Variants in TRHDE observed in about 807,000 individuals in gnomAD.
TRHDE encodes the protein thyrotropin releasing hormone degrading enzyme, also known as thyrotropin-releasing hormone-degrading ectoenzyme.
TRHDE carries 72 observed loss-of-function variants against 125.7 expected under a neutral mutation model. The observed-to-expected ratio is 0.57, with a 90% CI of 0.47 to 0.70. The LOEUF is 0.70. Ranked by LOEUF, TRHDE falls within the 30% of genes least tolerant of loss-of-function variation. The pLI, the probability that TRHDE is intolerant of heterozygous loss-of-function variation, is 0.00. For synonymous variants in TRHDE, 509 were observed against 509.1 expected (o/e 1.00, Z 0.00); for missense variants, 1,110 against 1,327.1 (o/e 0.84, Z 2.54).
chr12:72,506,364 A>G (rs549441697), intron 6 of TRHDE, among the ~76,000 whole-genome samples: 13 of 152,296 alleles, frequency 8.5e-5, no homozygotes, highest in Middle Eastern at 3.4e-3. Flanking sequence ...ACCCAATAGA[A>G]GACATAAAAC....
At chr12:72,381,651 C>T (rs1872190073) in intron 3 of TRHDE, among the ~76,000 whole-genome samples, 1 of 152,152 alleles carries the variant, frequency 6.6e-6, no homozygotes, top group Admixed American at 6.5e-5. Context: ...CCGCCTCGGC[C>T]TCCCAAAGTG....
At chr12:72,359,683 A>G (rs1234825217) in intron 2 of TRHDE, among the ~76,000 whole-genome samples, 1 of 151,728 alleles carries the variant, frequency 6.6e-6, no homozygotes, top group Non-Finnish European at 1.5e-5. Context: ...CCAAGGGGAT[A>G]AATGCTAAGA....
At chr12:72,517,906 A>G (rs1239816506) in intron 6 of TRHDE, among the ~76,000 whole-genome samples, 1 of 151,992 alleles carries the variant, frequency 6.6e-6, no homozygotes, top group Non-Finnish European at 1.5e-5. Flanking sequence ...TTATGTACCC[A>G]GTTGTCATTC....
chr12:72,160,236 T>C (rs1876605257), intron 2 of TRHDE, among the ~76,000 whole-genome samples: 1 of 152,154 alleles, frequency 6.6e-6, no homozygotes, highest in Non-Finnish European at 1.5e-5. Context: ...GGAACTAAGT[T>C]GGAACTCACA....
At position 72,326,611 on chromosome 12, in the gene TRHDE, A is replaced by G. The variant is rs373770911; in HGVS notation, c.1188+39657A>G. On this transcript the variant is annotated intron_variant, in intron 2 of 18. Transcript: ENST00000261180. ...ATTAAATAAAACTTTCAAGCTTAGG[A>G]AATTCACACAACAGAAAATTAAGAA... 2.6e-5 allele frequency among the ~76,000 whole-genome samples: 4 copies of G among 152,226 alleles called. No individual in the cohort carries two copies. In the East Asian group the frequency reaches 5.8e-4, roughly 22 times the overall value.
chr12:72,300,434 ATGTG>A, intron 2 of TRHDE, among the ~76,000 whole-genome samples: 1 of 151,666 alleles, frequency 6.6e-6, no homozygotes, highest in Middle Eastern at 3.4e-3. Context: ...TGTATTATAT[ATGTG>A]TGTGTATTTT....
chr12:72,504,645 A>G (rs1177079857), intron 6 of TRHDE, among the ~76,000 whole-genome samples: 1 of 152,224 alleles, frequency 6.6e-6, no homozygotes, highest in Non-Finnish European at 1.5e-5. Context: ...AACCAAGAAG[A>G]GTTTAAAGCA....
chr12:72,094,087 G>T lies in TRHDE; in HGVS notation n.174+6648G>T, dbSNP rs112721024. On this transcript the variant is annotated intron_variant and non_coding_transcript_variant, in intron 1 of 4. Transcript: ENST00000548156. ...CTGTTGGGTTTGCAGTGGAGTCTGT[G>T]GTTGGTGAGCCTCTTATCAGGACTG... 7.6e-3 allele frequency among the ~76,000 whole-genome samples: 1,155 copies of T among 152,276 alleles called. 19 individuals are homozygous for T. The highest frequency in any genetic ancestry group is 0.027 in the African/African-American group (1,113 of 41,550).
chr12:72,355,656 T>C (rs1374201697), intron 2 of TRHDE, among the ~76,000 whole-genome samples: 1 of 151,888 alleles, frequency 6.6e-6, no homozygotes, highest in African/African-American at 2.4e-5. Context: ...AAACTATTCA[T>C]CTGACAAAAT....
chr12:72,203,784 C>A (rs1188940534), intron 2 of TRHDE, among the ~76,000 whole-genome samples: 1 of 152,088 alleles, frequency 6.6e-6, no homozygotes. Context: ...GATCATGAAA[C>A]CCTAAGACCC....
chr12:72,232,108 T>C (rs898091445), intron 2 of TRHDE, among the ~76,000 whole-genome samples: 3 of 152,156 alleles, frequency 2.0e-5, no homozygotes, highest in Admixed American at 2.0e-4. Context: ...AAAGATAGTT[T>C]GTTGCTCATA....
chr12:72,434,438 A>G (rs1357070621), intron 3 of TRHDE, among the ~76,000 whole-genome samples: 4 of 151,524 alleles, frequency 2.6e-5, no homozygotes, highest in African/African-American at 9.7e-5. Context: ...ACCAACTTCC[A>G]AATACTTTAT....
intron 2 of TRHDE, among the ~76,000 whole-genome samples, chr12:72,126,625 T>C (rs1055905287): frequency 1.3e-5 from 2 of 152,196 alleles, no homozygotes; most frequent in African/African-American, 4.8e-5. Context: ...ATTTAATAAA[T>C]GGTGCTGGGA....
chr12:72,444,319 AGTCT>A (rs1332549052), intron 3 of TRHDE, among the ~76,000 whole-genome samples: 2 of 151,894 alleles, frequency 1.3e-5, no homozygotes, highest in Non-Finnish European at 2.9e-5. Flanking sequence ...GCACTGTAAA[AGTCT>A]GTCTTTCATT....
chr12:72,191,064 A>G (rs1386559729), intron 2 of TRHDE, among the ~76,000 whole-genome samples: 2 of 152,228 alleles, frequency 1.3e-5, no homozygotes, highest in Non-Finnish European at 2.9e-5. Flanking sequence ...ATTCTATACA[A>G]CATTGAGCCA....
intron 2 of TRHDE, among the ~76,000 whole-genome samples, chr12:72,231,753 T>G (rs1878250712): frequency 6.6e-6 from 1 of 152,172 alleles, no homozygotes; most frequent in Admixed American, 6.6e-5. Context: ...GACATCTGAT[T>G]AGGAAGCACC....
chr12:72,405,664 G>A (rs1416027244), intron 3 of TRHDE, among the ~76,000 whole-genome samples: 1 of 152,164 alleles, frequency 6.6e-6, no homozygotes, highest in East Asian at 1.9e-4. Context: ...CTACTTCAAA[G>A]ACATTTTATG....
intron 2 of TRHDE, among the ~76,000 whole-genome samples, chr12:72,238,383 T>TATA (rs1565670100): frequency 1.9e-5 from 1 of 52,488 alleles, no homozygotes; most frequent in South Asian, 5.4e-4. Flanking sequence ...ATATATATAT[T>TATA]TTTTTTTAAC....
chr12:72,293,472 G>T (rs1880167526), intron 2 of TRHDE, among the ~76,000 whole-genome samples: 1 of 152,100 alleles, frequency 6.6e-6, no homozygotes, highest in Non-Finnish European at 1.5e-5. Flanking sequence ...ATTCCATTTT[G>T]GGTCTTTGTC....
Sources: gnomAD v4.1 joint callset for allele counts (sites outside exome capture counted in the v4.1 genomes callset) on GRCh38, gnomAD v4.1.1 for gene constraint, MANE v1.5 for transcripts, NCBI Gene and HGNC (gene_info 2026-07-23, HGNC 2026-07-21) for gene names.